Variants in OR1J2 observed in about 807,000 individuals in gnomAD.
The protein encoded by OR1J2 is olfactory receptor family 1 subfamily J member 2, also known as olfactory receptor 1J2.
For synonymous variants in OR1J2, 142 were observed against 99.7 expected, an observed-to-expected ratio of 1.42 and a Z score of -2.52; for missense variants, 304 against 246.1, an observed-to-expected ratio of 1.24 and a Z score of -1.57.
chr9:122,452,833 A>G, the OR1J2 span, among the ~76,000 whole-genome samples: 4 of 150,678 alleles, frequency 2.7e-5, no homozygotes, highest in African/African-American at 1.0e-4. Flanking sequence ...GTTCAAGACC[A>G]GCCTGACCAA....
chr9:122,516,206 C>G (rs1009787417), downstream of OR1J2, among the ~76,000 whole-genome samples: 3 of 151,990 alleles, frequency 2.0e-5, no homozygotes, highest in Non-Finnish European at 4.4e-5. Flanking sequence ...AATACACAAC[C>G]TCACTGTAAA....
the OR1J2 span, among the ~76,000 whole-genome samples, chr9:122,521,514 G>A: frequency 1.3e-5 from 2 of 152,198 alleles, no homozygotes; most frequent in Non-Finnish European, 2.9e-5. Flanking sequence ...TCATGTAGCT[G>A]CCTTTTGGCA....
chr9:122,509,871 C>G (rs190429993), upstream of OR1J2, among the ~76,000 whole-genome samples: 1 of 152,136 alleles, frequency 6.6e-6, no homozygotes, highest in African/African-American at 2.4e-5. Context: ...TGAATTGATA[C>G]AATCCCTAAT....
chr9:122,513,900 C>T (rs1195264878), downstream of OR1J2, among the ~76,000 whole-genome samples: 2 of 151,962 alleles, frequency 1.3e-5, no homozygotes, highest in African/African-American at 4.8e-5. Context: ...AGCCTTGATC[C>T]GACAGCTCAC....
At chr9:122,567,999 T>G in the OR1J2 span, 2 of 1,613,998 alleles carry the variant, frequency 1.2e-6, no homozygotes, top group Non-Finnish European at 1.7e-6. Context: ...CAGAAGTGTG[T>G]GCAGGAGTGA....
chr9:122,523,546 T>G, the OR1J2 span, among the ~76,000 whole-genome samples: 2 of 152,098 alleles, frequency 1.3e-5, no homozygotes, highest in Admixed American at 1.3e-4. Flanking sequence ...TACATTCAGG[T>G]AACAGATAAT....
the OR1J2 span, among the ~76,000 whole-genome samples, chr9:122,571,679 G>A: frequency 2.0e-5 from 3 of 150,796 alleles, no homozygotes; most frequent in Admixed American, 6.6e-5. Flanking sequence ...TTGCACCACT[G>A]CACTCCAGCC....
chr9:122,516,493 CG>C (rs1320690720), downstream of OR1J2, among the ~76,000 whole-genome samples: 5 of 151,690 alleles, frequency 3.3e-5, no homozygotes, highest in African/African-American at 1.2e-4. Flanking sequence ...TTAGTAGAGA[CG>C]GGGTTTCACC....
chr9:122,528,165 C>T, the OR1J2 span, among the ~76,000 whole-genome samples: 4 of 152,158 alleles, frequency 2.6e-5, no homozygotes, highest in East Asian at 1.9e-4. Flanking sequence ...CTTGCCTTTA[C>T]TATCTTTTAT....
chr9:122,503,279 C>T, the OR1J2 span, among the ~76,000 whole-genome samples: 1 of 152,214 alleles, frequency 6.6e-6, no homozygotes, highest in Non-Finnish European at 1.5e-5. Flanking sequence ...AATCATTGCA[C>T]TCAGGTCTGA....
At chr9:122,555,145 G>T in the OR1J2 span, among the ~76,000 whole-genome samples, 98,118 of 152,098 alleles carry the variant, frequency 0.65, 32,123 homozygotes, top group East Asian at 0.98. Flanking sequence ...AAAAAATGTT[G>T]CAGTGATAAC....
the OR1J2 span, among the ~76,000 whole-genome samples, chr9:122,474,847 A>C: frequency 5.3e-5 from 8 of 151,542 alleles, no homozygotes; most frequent in Non-Finnish European, 1.2e-4. Flanking sequence ...CAGCATCTCT[A>C]CCAATGAACT....
At chr9:122,490,258 A>T in the OR1J2 span, among the ~76,000 whole-genome samples, 1 of 152,168 alleles carries the variant, frequency 6.6e-6, no homozygotes, top group Non-Finnish European at 1.5e-5. Context: ...AGGGAATATT[A>T]TCCCAGATGG....
At chr9:122,477,818 T>C in the OR1J2 span, 1 of 1,613,888 alleles carries the variant, frequency 6.2e-7, no homozygotes, top group East Asian at 2.2e-5. Context: ...AGCACCGTGG[T>C]CAGGTACATG....
chr9:122,563,184 AT>A, the OR1J2 span, among the ~76,000 whole-genome samples: 46,505 of 149,320 alleles, frequency 0.31, 8,010 homozygotes, highest in East Asian at 0.81. Flanking sequence ...AGCATTTGTT[AT>A]TTTTTTTTTT....
At chr9:122,556,982 A>G in the OR1J2 span, among the ~76,000 whole-genome samples, 1 of 152,124 alleles carries the variant, frequency 6.6e-6, no homozygotes, top group Admixed American at 6.5e-5. Flanking sequence ...ATATCTAACA[A>G]ATTGGGGGCT....
chr9:122,536,130 T>C, the OR1J2 span, among the ~76,000 whole-genome samples: 1 of 152,160 alleles, frequency 6.6e-6, no homozygotes, highest in Non-Finnish European at 1.5e-5. Flanking sequence ...TGGCTTAGCT[T>C]GGGCTCAGAG....
the OR1J2 span, among the ~76,000 whole-genome samples, chr9:122,450,756 C>G: frequency 1.1e-3 from 172 of 152,228 alleles, 2 homozygotes; most frequent in African/African-American, 4.0e-3. Context: ...CTGTCCATTC[C>G]CCCATCCCCC....
the OR1J2 span, chr9:122,567,452 C>A: frequency 1.1e-6 from 1 of 916,580 alleles, no homozygotes; most frequent in Admixed American, 2.4e-5. Flanking sequence ...GTCAGAAGTG[C>A]TAGCTTCCAA....
Sources: allele counts gnomAD v4.1 joint callset (sites outside exome capture counted in the v4.1 genomes callset), GRCh38; gene constraint gnomAD v4.1.1; transcripts MANE v1.5; gene names NCBI Gene and HGNC (gene_info 2026-07-23, HGNC 2026-07-21).